Variants in CDH23 observed in about 807,000 individuals in gnomAD.
CDH23 encodes the protein cadherin related 23.
In CDH23, 189 loss-of-function variants were observed where a neutral mutation model predicts 317.1. That is an observed-to-expected ratio of 0.60 (90% CI 0.53 to 0.67). CDH23 has a LOEUF of 0.67. Ranked by LOEUF, CDH23 falls within the 30% of genes least tolerant of loss-of-function variation. CDH23 has a pLI of 0.00. For missense variants in CDH23, 4,401 were observed against 4,592.4 expected, an observed-to-expected ratio of 0.96 and a Z score of 1.20; for synonymous variants, 1,839 against 1,876.8, an observed-to-expected ratio of 0.98 and a Z score of 0.52.
intron 11 of CDH23, among the ~76,000 whole-genome samples, chr10:71,619,391 T>A (rs1861356638): frequency 6.6e-6 from 1 of 151,778 alleles, no homozygotes; most frequent in Admixed American, 6.6e-5. Context: ...AAAAAACAGG[T>A]ATAAAAACAA....
intron 66 of CDH23, chr10:71,812,235 G>A: frequency 6.3e-7 from 1 of 1,596,866 alleles, no homozygotes; most frequent in East Asian, 2.2e-5. Context: ...AGGGGATGCA[G>A]ACTTTGGGCA....
chr10:71,516,786 C>T (rs1056810184), intron 6 of CDH23, among the ~76,000 whole-genome samples: 4 of 152,142 alleles, frequency 2.6e-5, no homozygotes, highest in South Asian at 4.1e-4. Flanking sequence ...TGGGGTGGCA[C>T]GACTTTTTGA....
intron 11 of CDH23, among the ~76,000 whole-genome samples, chr10:71,642,789 G>C (rs1862623756): frequency 6.6e-6 from 1 of 152,120 alleles, no homozygotes; most frequent in Non-Finnish European, 1.5e-5. Context: ...AATTCCACTG[G>C]AGGGGCTGGA....
intron 3 of CDH23, among the ~76,000 whole-genome samples, chr10:71,504,014 G>C (rs189368818): frequency 5.3e-5 from 8 of 152,012 alleles, no homozygotes; most frequent in Admixed American, 5.2e-4. Context: ...TAGGGCCTTA[G>C]AAATGGTCAA....
At chr10:71,626,400 G>T (rs915161346) in intron 11 of CDH23, among the ~76,000 whole-genome samples, 3 of 152,198 alleles carry the variant, frequency 2.0e-5, no homozygotes, top group African/African-American at 7.2e-5. Context: ...TGGACAGGGT[G>T]GGAGCAGGGA....
intron 6 of CDH23, among the ~76,000 whole-genome samples, chr10:71,515,394 T>TCTCTCTCTCTCTCTCACACACA (rs1491490493): frequency 6.4e-4 from 17 of 26,686 alleles, no homozygotes; most frequent in African/African-American, 1.4e-3. Context: ...TCTCTCTCTC[T>TCTCTCTCTCTCTCTCACACACA]CACACACACA....
chr10:71,646,406 C>A, intron 13 of CDH23, 53 bp from the exon 14 acceptor site: 5 of 1,598,560 alleles, frequency 3.1e-6, no homozygotes, highest in South Asian at 1.1e-5. Context: ...GGGACAAGGA[C>A]TCTGGGAGGG....
At position 71,690,535 on chromosome 10, in the gene CDH23, CAT is replaced by C; in HGVS notation, c.2128_2129del (p.Ile710LeufsTer25). 3.7e-6 allele frequency: 6 copies of C among 1,611,188 alleles called. No individual in the cohort carries two copies. Among genetic ancestry groups the C allele is most frequent in the Non-Finnish European group, 5.1e-6 (6 of 1,178,782 alleles). On this transcript the variant is annotated frameshift_variant, in exon 20 of 70. Coordinates refer to ENST00000224721, the MANE Select transcript of CDH23 (RefSeq NM_022124.6). LOFTEE classifies it high-confidence loss of function. ...RSREYGQESI[I>X]YSLEGSTQFR... ...CCCGGGAGTACGGCCAGGAGTCCAT[CAT>C]CTACTCCTTGGAAGGCTCCACCCAG...
chr10:71,695,384 G>A (rs1296483922), intron 21 of CDH23, 34 bp from the exon 22 acceptor site: 1 of 1,473,158 alleles, frequency 6.8e-7, no homozygotes, highest in Non-Finnish European at 9.5e-7. Context: ...ATCTCAGCTG[G>A]GTGTGTCTCC....
chr10:71,438,104 G>C (rs1849697585), intron 1 of CDH23, among the ~76,000 whole-genome samples: 3 of 152,130 alleles, frequency 2.0e-5, no homozygotes, highest in African/African-American at 4.8e-5. Context: ...ACTTTGGGAG[G>C]CTGAGCCGGG....
intron 3 of CDH23, among the ~76,000 whole-genome samples, chr10:71,507,936 T>G (rs1042051642): frequency 3.9e-5 from 6 of 152,270 alleles, no homozygotes; most frequent in Admixed American, 1.3e-4. Flanking sequence ...TTTGGGCAAC[T>G]TGCCAAATGC....
intron 11 of CDH23, among the ~76,000 whole-genome samples, chr10:71,634,453 T>C (rs577419684): frequency 1.3e-5 from 2 of 152,258 alleles, no homozygotes; most frequent in African/African-American, 4.8e-5. Flanking sequence ...TGAGGCCAGG[T>C]AGAGTGATGA....
intron 9 of CDH23, among the ~76,000 whole-genome samples, chr10:71,591,299 T>C (rs1235655835): frequency 6.6e-6 from 1 of 152,208 alleles, no homozygotes; most frequent in Non-Finnish European, 1.5e-5. Context: ...TGAAATAACA[T>C]TGAATCACAC....
intron 3 of CDH23, among the ~76,000 whole-genome samples, chr10:71,499,768 C>T (rs139646335): frequency 2.7e-5 from 4 of 147,348 alleles, no homozygotes; most frequent in East Asian, 2.0e-4. Context: ...GACCCCACGA[C>T]GCAGAGGTTG....
At chr10:71,677,738 T>G (rs930046521) in intron 16 of CDH23, 45 bp downstream of exon 16, 1 of 1,446,684 alleles carries the variant, frequency 6.9e-7, no homozygotes, top group African/African-American at 1.4e-5. Flanking sequence ...TATCTTAGCC[T>G]TCTCCCTGTA....
intron 9 of CDH23, among the ~76,000 whole-genome samples, chr10:71,587,410 A>G (rs1184723641): frequency 1.3e-5 from 2 of 152,222 alleles, no homozygotes; most frequent in African/African-American, 4.8e-5. Flanking sequence ...GCCAAGCTCC[A>G]TGCTAGACCC....
At chr10:71,513,904 T>G (rs55806814) in intron 6 of CDH23, among the ~76,000 whole-genome samples, 2,614 of 152,210 alleles carry the variant, frequency 0.017, 71 homozygotes, top group African/African-American at 0.06. Flanking sequence ...AATTCCTCTC[T>G]TGGCCATCTC....
intron 1 of CDH23, among the ~76,000 whole-genome samples, chr10:71,398,517 T>C (rs1239657886): frequency 7.0e-6 from 1 of 143,300 alleles, no homozygotes. Flanking sequence ...AATTAGGTTG[T>C]GGGGTGTGGG....
At chr10:71,558,817 T>C (rs1856990370) in intron 6 of CDH23, among the ~76,000 whole-genome samples, 1 of 152,192 alleles carries the variant, frequency 6.6e-6, no homozygotes, top group Non-Finnish European at 1.5e-5. Flanking sequence ...TGCACCAGTT[T>C]TCCTTTTTAC....
Sources: allele counts gnomAD v4.1 joint callset (sites outside exome capture counted in the v4.1 genomes callset), GRCh38; gene constraint gnomAD v4.1.1; transcripts MANE v1.5; gene names NCBI Gene and HGNC (gene_info 2026-07-23, HGNC 2026-07-21).